SLC25A19: variants seen among roughly 807,000 people sequenced by gnomAD.
SLC25A19 encodes the protein mitochondrial thiamine pyrophosphate carrier.
SLC25A19 carries 18 observed loss-of-function variants against 27.9 expected under a neutral mutation model. The observed-to-expected ratio is 0.64, with a 90% CI of 0.45 to 0.96. The LOEUF is 0.96. Ranked by LOEUF, SLC25A19 falls within the 40% of genes least tolerant of loss-of-function variation. The probability of loss-of-function intolerance (pLI) is 0.00; values close to 1 mark genes in which losing one functional copy is unlikely to be tolerated. For synonymous variants in SLC25A19, 169 were observed against 167.1 expected, an observed-to-expected ratio of 1.01 and a Z score of -0.09; for missense variants, 371 against 418.3, an observed-to-expected ratio of 0.89 and a Z score of 0.99.
intron 5 of SLC25A19, among the ~76,000 whole-genome samples, chr17:75,279,059 T>C (rs1283583381): frequency 6.6e-6 from 1 of 151,774 alleles, no homozygotes; most frequent in African/African-American, 2.4e-5. Context: ...GGTCTTGCTA[T>C]GTTGCCCAAA....
chr17:75,286,136 G>A (rs1443212162), intron 4 of SLC25A19, among the ~76,000 whole-genome samples, 168 bp downstream of exon 4: 1 of 152,230 alleles, frequency 6.6e-6, no homozygotes, highest in African/African-American at 2.4e-5. Context: ...GGAGGGCAAT[G>A]CCTACGGTAC....
Position 75,283,499 on chromosome 17 carries a change from G to C in SLC25A19, c.383C>G (p.Ala128Gly). The C allele has an allele frequency of 6.2e-7, 1 of 1,613,610 alleles. No individual in the cohort carries two copies. The highest frequency in any genetic ancestry group is 8.5e-7 in the Non-Finnish European group (1 of 1,179,910). The change falls in exon 5 of 8, where the codon GCT becomes GGT. Residue 128 changes from alanine (A) to glycine (G), a missense_variant. Transcript: ENST00000416858. ...FSVHFVCGGLAACMATLTVHP... is the reference protein window; with the variant it reads ...FSVHFVCGGLGACMATLTVHP... ...CACAGTGAGGGTGGCCATACAGGCAGCCAGGCCACCACATACAAAGTGCAC... is the reference window on the plus strand; with the variant it reads ...CACAGTGAGGGTGGCCATACAGGCACCCAGGCCACCACATACAAAGTGCAC...
In SLC25A19 at chr17:75,286,768, T is replaced by C. The variant is rs1374226299; in HGVS notation, c.-4A>G. The C allele has an allele frequency of 1.2e-6, 2 of 1,614,150 alleles. No individual in the cohort carries two copies. Among genetic ancestry groups the C allele is most frequent in the Non-Finnish European group, 1.7e-6 (2 of 1,180,018 alleles). ...GTTTGGGGTCATAGCCAACCATCCCTGCCTCTGGCCCACACAATGTCCATC... is the reference window on the plus strand; with the variant it reads ...GTTTGGGGTCATAGCCAACCATCCCCGCCTCTGGCCCACACAATGTCCATC... On this transcript the variant is annotated 5_prime_UTR_variant, in exon 3 of 8. Coordinates refer to ENST00000416858, the MANE Select transcript of SLC25A19 (RefSeq NM_001126121.2).
chr17:75,287,204 C>T (rs2078204661), intron 2 of SLC25A19: 1 of 192,694 alleles, frequency 5.2e-6, no homozygotes, highest in Non-Finnish European at 1.1e-5. Flanking sequence ...GCCTTGAACT[C>T]CTGGGCTCAA....
Position 75,278,352 on chromosome 17 carries a change from A to C in SLC25A19, c.460-17T>G. 3 of 1,613,954 alleles carry C rather than the reference A, an allele frequency of 1.9e-6. No homozygotes were observed. The highest frequency in any genetic ancestry group is 2.5e-6 in the Non-Finnish European group (3 of 1,179,960). On this transcript the variant is annotated splice_polypyrimidine_tract_variant and intron_variant, in intron 5 of 7. Transcript: ENST00000416858. ...ATTATAGACCTGGACACACACACGCACTTTGAATGAGCTCAGTGAAGTGGT... is the reference window on the plus strand; with the variant it reads ...ATTATAGACCTGGACACACACACGCCCTTTGAATGAGCTCAGTGAAGTGGT...
chr17:75,287,191 A>G (rs554042973), intron 2 of SLC25A19: 27 of 228,196 alleles, frequency 1.2e-4, no homozygotes, highest in Middle Eastern at 1.9e-3. Flanking sequence ...ATAACTCACC[A>G]TAGCCTTGAA....
intron 5 of SLC25A19, among the ~76,000 whole-genome samples, chr17:75,280,890 T>A (rs909787231): frequency 1.4e-5 from 2 of 146,732 alleles, no homozygotes; most frequent in Non-Finnish European, 3.0e-5. Flanking sequence ...GAGCTGAGAT[T>A]GTGCCTCCAG....
intron 5 of SLC25A19, among the ~76,000 whole-genome samples, chr17:75,281,419 G>A (rs559238316): frequency 1.3e-3 from 204 of 152,176 alleles, no homozygotes; most frequent in Non-Finnish European, 2.2e-3. Context: ...GCAATTGGCC[G>A]GGCGTGGTGG....
chr17:75,273,538 A>T lies in SLC25A19; in HGVS notation c.876T>A (p.Ala292=). ...FKGLSPSLLK[A]ALSTGFMFFS... ...AGAACATGAAGCCTGTGGAGAGGGC[A>T]GCCTTCAGCAAGCTGGGGGACAGGC... The change falls in exon 8 of 8, where the codon GCT becomes GCA. Residue 292 remains alanine, a synonymous_variant. Coordinates refer to ENST00000416858, the MANE Select transcript of SLC25A19 (RefSeq NM_001126121.2). 1 of 1,614,198 alleles carries T rather than the reference A, an allele frequency of 6.2e-7. No homozygotes were observed. The highest frequency in any genetic ancestry group is 8.5e-7 in the Non-Finnish European group (1 of 1,180,036).
intron 7 of SLC25A19, among the ~76,000 whole-genome samples, chr17:75,275,270 G>A (rs1357047710): frequency 3.3e-5 from 5 of 151,940 alleles, no homozygotes; most frequent in African/African-American, 1.2e-4. Flanking sequence ...TGGGATCACA[G>A]GCGTGATCCA....
rs1035396335 is a variant in SLC25A19, at chr17:75,273,603, G to C, written c.811C>G (p.Gln271Glu). 3 of 1,613,136 alleles carry C rather than the reference G, an allele frequency of 1.9e-6. No individual in the cohort carries two copies. Among genetic ancestry groups the C allele is most frequent in the Non-Finnish European group, 2.5e-6 (3 of 1,179,880 alleles). ...RYKGLMDCAK[Q>E]VLQKEGALGF... ...AGGGCGCCTTCCTTTTGCAGCACCT[G>C]CTTGGCACAGTCCATGAGGCCCTTG... is the stretch of plus-strand genomic sequence containing the variant. The change falls in exon 8 of 8, where the codon CAG becomes GAG. Residue 271 changes from glutamine (Q) to glutamate (E), a missense_variant. By Grantham distance (29) the Gln-to-Glu change is conservative (BLOSUM62 2). Transcript: ENST00000416858.
intron 4 of SLC25A19, 114 bp downstream of exon 4, chr17:75,286,190 G>A (rs2078175558): frequency 3.8e-6 from 5 of 1,332,596 alleles, no homozygotes; most frequent in Non-Finnish European, 4.3e-6. Context: ...GGGAAGCGTG[G>A]GGCCTGCCTC....
At chr17:75,278,096 G>A (rs1020289438) in intron 6 of SLC25A19, 56 bp downstream of exon 6, 4 of 1,578,146 alleles carry the variant, frequency 2.5e-6, no homozygotes, top group Admixed American at 3.3e-5. Context: ...GATTTGGAAG[G>A]GGGTGTTCTG....
At chr17:75,277,259 ATGT>A in intron 7 of SLC25A19, 91 bp downstream of exon 7, 2 of 1,529,868 alleles carry the variant, frequency 1.3e-6, no homozygotes, top group Non-Finnish European at 1.8e-6. Context: ...GCCAGGGGTG[ATGT>A]TGCCCAATGG....
rs2077918797 is a variant in SLC25A19 at position 75,277,426 on chromosome 17, G to T, written c.701C>A (p.Thr234Lys). Residue 234 changes from threonine to lysine, a missense_variant, in exon 7 of 8, where the codon ACA becomes AAA. Thr to Lys is a moderately conservative substitution (Grantham distance 78). Transcript: ENST00000416858. ...SGAGVISKTL[T>K]YPLDLFKKRL... is the part of the protein sequence containing the mutation. ...CTTCTTGAAGAGGTCCAGCGGATAT[G>T]TCAGGGTCTTGCTGATGACACCAGC... The T allele has an allele frequency of 1.2e-6, 2 of 1,614,042 alleles. No homozygotes were observed. Among genetic ancestry groups the T allele is most frequent in the Non-Finnish European group, 1.7e-6 (2 of 1,180,036 alleles).
At position 75,278,250 on chromosome 17, in the gene SLC25A19, A is replaced by G. The variant is rs2077945703; in HGVS notation, c.545T>C (p.Leu182Ser). 1 of 1,614,020 alleles carries G rather than the reference A, an allele frequency of 6.2e-7. No individual in the cohort carries two copies. Among genetic ancestry groups the G allele is most frequent in the East Asian group, 2.2e-5 (1 of 44,878 alleles). The change falls in exon 6 of 8, where the codon TTG becomes TCG. Residue 182 changes from leucine to serine, a missense_variant. Coordinates refer to ENST00000416858, the MANE Select transcript of SLC25A19 (RefSeq NM_001126121.2). ...CCCGGCGTAGGGGAAGATGGCGATC[A>G]AGGTGGGAGCCAAGCCTTTGTAGAA... ...QVFYKGLAPT[L>S]IAIFPYAGLQ...
chr17:75,280,024 T>C (rs2077999166), intron 5 of SLC25A19, among the ~76,000 whole-genome samples: 1 of 122,286 alleles, frequency 8.2e-6, no homozygotes, highest in African/African-American at 2.8e-5. Context: ...AAATTATCCT[T>C]CCTTTCCCAC....
intron 7 of SLC25A19, among the ~76,000 whole-genome samples, chr17:75,276,471 G>T (rs1264776122): frequency 2.0e-5 from 3 of 151,164 alleles, no homozygotes; most frequent in Non-Finnish European, 4.4e-5. Flanking sequence ...ACGTTCAAGC[G>T]ATTCTCCTGT....
intron 7 of SLC25A19, among the ~76,000 whole-genome samples, chr17:75,274,543 G>A (rs888362922): frequency 6.6e-6 from 1 of 152,158 alleles, no homozygotes; most frequent in Non-Finnish European, 1.5e-5. Flanking sequence ...CCTCCCACGT[G>A]CCCTTCCCAC....
Sources: gnomAD v4.1 joint callset for allele counts (sites outside exome capture counted in the v4.1 genomes callset) on GRCh38, gnomAD v4.1.1 for gene constraint, MANE v1.5 for transcripts, NCBI Gene and HGNC (gene_info 2026-07-23, HGNC 2026-07-21) for gene names.